Variants in CACNA2D1 observed in about 807,000 individuals in gnomAD.
The protein encoded by CACNA2D1 is voltage-dependent calcium channel subunit alpha-2/delta-1.
Under a neutral mutation model 171.5 loss-of-function variants are expected in CACNA2D1, and 53 were observed. The ratio of observed to expected loss-of-function variants is 0.31; its 90% confidence interval spans 0.25 to 0.39. The LOEUF (loss-of-function observed/expected upper bound fraction) is 0.39. Ranked by LOEUF, CACNA2D1 falls within the 10% of genes least tolerant of loss-of-function variation. CACNA2D1 has a pLI of 1.00. For synonymous variants in CACNA2D1, 442 were observed against 443.1 expected (o/e 1.00, Z 0.03); for missense variants, 903 against 1,299.8 (o/e 0.69, Z 4.69).
At chr7:82,369,035 G>T (rs1182908419) in intron 1 of CACNA2D1, among the ~76,000 whole-genome samples, 1 of 151,988 alleles carries the variant, frequency 6.6e-6, no homozygotes, top group Non-Finnish European at 1.5e-5. Flanking sequence ...TGCTGGGAAT[G>T]TCTCTTCCTT....
At chr7:82,213,190 T>G (rs550292276) in intron 3 of CACNA2D1, among the ~76,000 whole-genome samples, 1 of 152,154 alleles carries the variant, frequency 6.6e-6, no homozygotes, top group Non-Finnish European at 1.5e-5. Flanking sequence ...CATGAGCCAC[T>G]GCACCTGGCC....
At position 81,997,261 on chromosome 7, in the gene CACNA2D1, A is replaced by C. The variant is rs757924402; in HGVS notation, c.1591-11T>G. On this transcript the variant is annotated splice_polypyrimidine_tract_variant and intron_variant, in intron 18 of 38. Transcript: ENST00000356860. ...CTGAGATTTGGGGTTCTACACAGAA[A>C]ACAATAATAATTAGGTACATGTAAC... 1.3e-6 allele frequency: 2 copies of C among 1,520,134 alleles called. No individual in the cohort carries two copies. Among genetic ancestry groups the C allele is most frequent in the South Asian group, 1.1e-5 (1 of 89,190 alleles). The allele number at this position is 1,520,134 out of a possible 1,614,324, so 94.2% of individuals were successfully genotyped here.
chr7:82,080,691 GAA>G (rs1809639879), intron 7 of CACNA2D1, among the ~76,000 whole-genome samples: 1 of 152,144 alleles, frequency 6.6e-6, no homozygotes, highest in African/African-American at 2.4e-5. Context: ...CAGCCCTACA[GAA>G]AAGTGACCTA....
intron 4 of CACNA2D1, among the ~76,000 whole-genome samples, chr7:82,169,149 A>T (rs529565172): frequency 6.6e-6 from 1 of 152,184 alleles, no homozygotes; most frequent in Non-Finnish European, 1.5e-5. Flanking sequence ...AAAAACAAAA[A>T]AAATCGTTTT....
chr7:82,311,938 C>T (rs1814518055), intron 3 of CACNA2D1, among the ~76,000 whole-genome samples: 1 of 151,982 alleles, frequency 6.6e-6, no homozygotes, highest in Admixed American at 6.6e-5. Context: ...CTGACAGGCC[C>T]CCAAGAACCT....
intron 6 of CACNA2D1, among the ~76,000 whole-genome samples, chr7:82,100,030 C>G (rs1217592445): frequency 6.6e-6 from 1 of 151,866 alleles, no homozygotes; most frequent in Non-Finnish European, 1.5e-5. Flanking sequence ...TGTAACAAAC[C>G]TGCACATCCT....
intron 3 of CACNA2D1, among the ~76,000 whole-genome samples, chr7:82,233,609 AT>A (rs1273470506): frequency 1.3e-5 from 2 of 152,140 alleles, no homozygotes; most frequent in Non-Finnish European, 2.9e-5. Context: ...GAAAATAGTA[AT>A]ATCAAATTGG....
intron 5 of CACNA2D1, among the ~76,000 whole-genome samples, chr7:82,124,604 T>A (rs1316953017): frequency 6.6e-6 from 1 of 152,164 alleles, no homozygotes; most frequent in African/African-American, 2.4e-5. Flanking sequence ...GTAAGCAACA[T>A]GAAACCTCTA....
intron 4 of CACNA2D1, among the ~76,000 whole-genome samples, chr7:82,155,212 A>G (rs1794259183): frequency 6.6e-6 from 1 of 152,088 alleles, no homozygotes; most frequent in Non-Finnish European, 1.5e-5. Flanking sequence ...AGCCAGTTAA[A>G]CCTATTTTCT....
intron 4 of CACNA2D1, among the ~76,000 whole-genome samples, chr7:82,145,769 T>C (rs561162997): frequency 6.7e-6 from 1 of 150,288 alleles, no homozygotes; most frequent in South Asian, 2.1e-4. Context: ...ATAGTTTACA[T>C]AATAAAATAG....
intron 1 of CACNA2D1, among the ~76,000 whole-genome samples, chr7:82,388,918 C>CAGGGAGTTTGG (rs1351518839): frequency 4.1e-4 from 62 of 151,888 alleles, no homozygotes; most frequent in Non-Finnish European, 6.8e-4. Flanking sequence ...GAGTTTGGGA[C>CAGGGAGTTTGG]CAGCCTAGCC....
At chr7:82,259,909 G>A (rs1425802750) in intron 3 of CACNA2D1, among the ~76,000 whole-genome samples, 1 of 152,112 alleles carries the variant, frequency 6.6e-6, no homozygotes, top group Non-Finnish European at 1.5e-5. Context: ...TTGTAGGGTT[G>A]ATATAAGAAT....
chr7:82,206,333 T>A (rs577981353), intron 3 of CACNA2D1, among the ~76,000 whole-genome samples: 1 of 152,214 alleles, frequency 6.6e-6, no homozygotes, highest in Non-Finnish European at 1.5e-5. Flanking sequence ...TTTAAAATTA[T>A]CTTTCATGAA....
chr7:82,122,865 A>G (rs1789904104), intron 5 of CACNA2D1, among the ~76,000 whole-genome samples: 3 of 152,230 alleles, frequency 2.0e-5, no homozygotes, highest in Admixed American at 2.0e-4. Flanking sequence ...ATACACAAAT[A>G]TACTTTTCAA....
intron 3 of CACNA2D1, among the ~76,000 whole-genome samples, chr7:82,245,836 G>A (rs144270673): frequency 2.6e-5 from 4 of 152,060 alleles, no homozygotes; most frequent in East Asian, 3.9e-4. Flanking sequence ...ACCTTCTGGC[G>A]TAACATAAAC....
chr7:82,413,114 A>G (rs185000342), intron 1 of CACNA2D1, among the ~76,000 whole-genome samples: 2 of 152,296 alleles, frequency 1.3e-5, no homozygotes, highest in East Asian at 1.9e-4. Flanking sequence ...ACAGATTTTG[A>G]TAAGACTACC....
chr7:82,269,584 C>G (rs546063297), intron 3 of CACNA2D1, among the ~76,000 whole-genome samples: 1 of 152,158 alleles, frequency 6.6e-6, no homozygotes, highest in Admixed American at 6.5e-5. Context: ...TGTGCATCTA[C>G]AAGAATTACT....
intron 1 of CACNA2D1, among the ~76,000 whole-genome samples, chr7:82,360,926 C>T (rs1473180658): frequency 6.6e-6 from 1 of 152,088 alleles, no homozygotes; most frequent in African/African-American, 2.4e-5. Flanking sequence ...TTTCTGAAAA[C>T]CATCAGAAAA....
At chr7:82,146,625 A>G (rs1023914604) in intron 4 of CACNA2D1, among the ~76,000 whole-genome samples, 1 of 151,004 alleles carries the variant, frequency 6.6e-6, no homozygotes, top group Non-Finnish European at 1.5e-5. Flanking sequence ...AGTGTCTGGA[A>G]TGCTGTATGA....
Sources: allele counts gnomAD v4.1 joint callset (sites outside exome capture counted in the v4.1 genomes callset), GRCh38; gene constraint gnomAD v4.1.1; transcripts MANE v1.5; gene names NCBI Gene and HGNC (gene_info 2026-07-23, HGNC 2026-07-21).